The following RBFOX1 variants were observed in gnomAD, a reference collection of about 807,000 sequenced individuals.
RBFOX1 encodes the protein RNA binding fox-1 homolog 1.
In RBFOX1, 8 loss-of-function variants were observed where a neutral mutation model predicts 57.7. The ratio of observed to expected loss-of-function variants is 0.14; its 90% CI spans 0.08 to 0.25. RBFOX1 has a LOEUF of 0.25. Ranked by LOEUF, RBFOX1 falls within the 10% of genes least tolerant of loss-of-function variation. The probability of loss-of-function intolerance (pLI) is 1.00; values close to 1 mark genes in which losing one functional copy is unlikely to be tolerated. For synonymous variants in RBFOX1, 326 were observed against 222.4 expected, an observed-to-expected ratio of 1.47 and a Z score of -4.15; for missense variants, 611 against 548.5, an observed-to-expected ratio of 1.11 and a Z score of -1.14.
intron 4 of RBFOX1, chr16:7,332,983 T>A: frequency 1.2e-6 from 2 of 1,613,378 alleles, no homozygotes; most frequent in Non-Finnish European, 8.5e-7. Context: ...TCAGAGGGAA[T>A]AATAACTCTA....
chr16:6,792,553 C>T (rs1302184826), intron 3 of RBFOX1, among the ~76,000 whole-genome samples: 4 of 152,110 alleles, frequency 2.6e-5, no homozygotes, highest in African/African-American at 7.2e-5. Context: ...TGAGATGTCC[C>T]CATGTACACT....
At chr16:5,395,968 A>G (rs1408076188) in intron 1 of RBFOX1, among the ~76,000 whole-genome samples, 1 of 152,124 alleles carries the variant, frequency 6.6e-6, no homozygotes, top group Non-Finnish European at 1.5e-5. Context: ...TTCCCCATTT[A>G]AGCCTGTGGG....
intron 5 of RBFOX1, among the ~76,000 whole-genome samples, chr16:7,535,948 C>A (rs900680641): frequency 1.3e-5 from 2 of 152,186 alleles, no homozygotes; most frequent in African/African-American, 2.4e-5. Context: ...AGGCGCAGAA[C>A]TGGGCCTTGG....
Position 5,805,441 on chromosome 16 carries a change from G to A in RBFOX1, c.319-61862G>A, listed in dbSNP as rs534805124. On this transcript the variant is annotated intron_variant, in intron 3 of 19. Transcript: ENST00000641259. The stretch of plus-strand genomic sequence containing the variant: ...ATTCCCTCATCTTTAATATGAAGCT[G>A]TTAATGCCTATTCTTTAGAATTGTA... 5.3e-5 allele frequency among the ~76,000 whole-genome samples: 8 copies of A among 152,326 alleles called. No homozygotes were observed. In the South Asian group the frequency reaches 1.4e-3, roughly 28 times the overall value.
At chr16:6,904,349 C>G (rs1177512178) in intron 3 of RBFOX1, among the ~76,000 whole-genome samples, 2 of 151,790 alleles carry the variant, frequency 1.3e-5, no homozygotes, top group East Asian at 1.9e-4. Context: ...GCCTGTAATC[C>G]CAGCACCTTG....
At chr16:6,710,500 G>A (rs904222820) in intron 3 of RBFOX1, among the ~76,000 whole-genome samples, 4 of 152,122 alleles carry the variant, frequency 2.6e-5, no homozygotes, top group African/African-American at 9.7e-5. Context: ...ATTTAAACTA[G>A]CCACATTCCA....
At position 5,635,828 on chromosome 16, in the gene RBFOX1, C is replaced by G. The variant is rs569587175; in HGVS notation, c.318+36867C>G. ...GGGTTTTTTTTGGAGGATTTTTATC[C>G]TATTTGATTTCTATCATGCATTCCA... On this transcript the variant is annotated intron_variant, in intron 3 of 19. Transcript: ENST00000641259. Among the ~76,000 whole-genome samples, 302 of 152,196 alleles carry G rather than the reference C, an allele frequency of 2.0e-3. 2 individuals are homozygous for G. Among genetic ancestry groups the G allele is most frequent in the Non-Finnish European group, 2.6e-3 (179 of 68,010 alleles).
At chr16:5,921,225 A>T (rs1240265793) in intron 4 of RBFOX1, among the ~76,000 whole-genome samples, 1 of 152,236 alleles carries the variant, frequency 6.6e-6, no homozygotes, top group Non-Finnish European at 1.5e-5. Context: ...ATTCTAGCTC[A>T]TAATGAGCTT....
chr16:6,538,425 G>A (rs564983221), intron 2 of RBFOX1, among the ~76,000 whole-genome samples: 9 of 152,276 alleles, frequency 5.9e-5, no homozygotes, highest in South Asian at 2.1e-4. Flanking sequence ...CTGTGAGGCC[G>A]AGGCTGCAGT....
chr16:5,740,674 C>G (rs1265301915), intron 3 of RBFOX1, among the ~76,000 whole-genome samples: 3 of 152,182 alleles, frequency 2.0e-5, no homozygotes, highest in East Asian at 1.9e-4. Flanking sequence ...TTCTTGGTCT[C>G]TTGACTCTAC....
At chr16:5,688,413 A>G (rs2050568540) in intron 3 of RBFOX1, among the ~76,000 whole-genome samples, 1 of 152,246 alleles carries the variant, frequency 6.6e-6, no homozygotes, top group Non-Finnish European at 1.5e-5. Flanking sequence ...TTATGTCTGT[A>G]CAAAGCTAGT....
At chr16:5,282,267 A>G (rs1346779796) in intron 1 of RBFOX1, among the ~76,000 whole-genome samples, 2 of 152,240 alleles carry the variant, frequency 1.3e-5, no homozygotes, top group East Asian at 1.9e-4. Flanking sequence ...CTGTAAGTCC[A>G]TTAAACCTTT....
intron 3 of RBFOX1, among the ~76,000 whole-genome samples, chr16:5,641,181 TAC>T (rs2048860791): frequency 6.7e-6 from 1 of 148,798 alleles, no homozygotes; most frequent in African/African-American, 2.5e-5. Context: ...ACACCATGGA[TAC>T]ACACAGGCAC....
Position 6,321,930 on chromosome 16 carries a change from C to G in RBFOX1, c.-64+4873C>G, listed in dbSNP as rs143590424. Among the ~76,000 whole-genome samples the G allele has an allele frequency of 5.1e-3, 769 of 152,250 alleles. 7 individuals carry two copies. Among genetic ancestry groups the G allele is most frequent in the Admixed American group, 7.8e-3 (120 of 15,294 alleles). ...GCCATATGCAGCACAGATTGCTATA[C>G]ATCTTCACTCATTTCTTTCTGTCAC... On this transcript the variant is annotated intron_variant, in intron 2 of 15. Coordinates refer to ENST00000550418, the MANE Select transcript of RBFOX1 (RefSeq NM_018723.4).
intron 3 of RBFOX1, among the ~76,000 whole-genome samples, chr16:6,726,387 G>A (rs1290737532): frequency 7.6e-6 from 1 of 131,212 alleles, no homozygotes; most frequent in Non-Finnish European, 1.6e-5. Context: ...AAAATAAAAC[G>A]CTATTTTTTC....
chr16:6,779,765 A>ATATATTT lies in RBFOX1; in HGVS notation c.-16+125120_-16+125121insTTTATAT, dbSNP rs1567207797. ...TTTTTATATATACTTTTATATATTT[A>ATATATTT]TATATATATTTATATATATTTTTAT... On this transcript the variant is annotated intron_variant, in intron 3 of 15. Coordinates refer to ENST00000550418, the MANE Select transcript of RBFOX1 (RefSeq NM_018723.4). Among the ~76,000 whole-genome samples, 9 of 7,844 alleles carry ATATATTT rather than the reference A, an allele frequency of 1.1e-3. 2 individuals carry two copies. Among genetic ancestry groups the ATATATTT allele is most frequent in the Admixed American group, 7.1e-3 (2 of 280 alleles). 5.1% of individuals were successfully genotyped at this position (7,844 alleles called of 152,430 possible). A position where few individuals can be genotyped will look rare whatever the true frequency, so the allele number is the denominator to read the frequency against.
At chr16:5,353,901 G>A (rs1030175436) in intron 1 of RBFOX1, among the ~76,000 whole-genome samples, 2 of 149,380 alleles carry the variant, frequency 1.3e-5, no homozygotes, top group Non-Finnish European at 2.9e-5. Context: ...GCTGTATCTG[G>A]TGGGAGAAGC....
At chr16:6,882,251 G>A (rs1355486470) in intron 3 of RBFOX1, among the ~76,000 whole-genome samples, 1 of 152,134 alleles carries the variant, frequency 6.6e-6, no homozygotes, top group Non-Finnish European at 1.5e-5. Flanking sequence ...GATGGAGAGG[G>A]AGAAGGCTTG....
At chr16:7,492,507 C>G (rs1426933771) in intron 4 of RBFOX1, among the ~76,000 whole-genome samples, 1 of 152,130 alleles carries the variant, frequency 6.6e-6, no homozygotes, top group African/African-American at 2.4e-5. Flanking sequence ...ATGACAGCCA[C>G]TAGCCACATG....
Sources: gnomAD v4.1 joint callset for allele counts (sites outside exome capture counted in the v4.1 genomes callset) on GRCh38, gnomAD v4.1.1 for gene constraint, MANE v1.5 for transcripts, NCBI Gene and HGNC (gene_info 2026-07-23, HGNC 2026-07-21) for gene names.